The following DOK5 variants were observed in gnomAD, a reference collection of about 807,000 sequenced individuals.
The protein encoded by DOK5 is downstream of tyrosine kinase 5.
A neutral mutation model predicts 43.3 loss-of-function variants in DOK5; 27 were observed. That is an observed-to-expected ratio of 0.62 (90% CI 0.46 to 0.86). The LOEUF is 0.86. DOK5 is among the 40% of genes least tolerant of loss of function. The probability of loss-of-function intolerance (pLI) is 0.00; values close to 1 mark genes in which losing one functional copy is unlikely to be tolerated. For missense variants in DOK5, 373 were observed against 392.9 expected (o/e 0.95, Z 0.43); for synonymous variants, 146 against 140.1 (o/e 1.04, Z -0.30).
At chr20:54,579,525 G>C (rs890886648) in intron 2 of DOK5, among the ~76,000 whole-genome samples, 3 of 152,036 alleles carry the variant, frequency 2.0e-5, no homozygotes, top group African/African-American at 7.2e-5. Context: ...CGTGTGACTA[G>C]AATTCTATAT....
rs1319989620 is a variant in DOK5 at position 54,475,750 on chromosome 20, C to G, written c.-197C>G. 1 of 680,484 alleles carries G rather than the reference C, an allele frequency of 1.5e-6. No homozygotes were observed. The highest frequency in any genetic ancestry group is 2.9e-5 in the Admixed American group (1 of 34,242). The allele number at this position is 680,484 out of a possible 1,614,324, so 42.2% of individuals were successfully genotyped here. On this transcript the variant is annotated 5_prime_UTR_variant, in exon 1 of 8. Transcript: ENST00000262593. The surrounding 1 kb of genome is among the most constrained non-coding windows in gnomAD (Gnocchi z 4.2). ...TGCGCTCCCCGAAAGTGGCTGCAAGCCGGCCGCCCACTGTCAGGGTTGGGG... is the reference window on the plus strand; with the variant it reads ...TGCGCTCCCCGAAAGTGGCTGCAAGGCGGCCGCCCACTGTCAGGGTTGGGG...
At chr20:54,502,416 G>A (rs946509011) in intron 1 of DOK5, among the ~76,000 whole-genome samples, 1 of 152,068 alleles carries the variant, frequency 6.6e-6, no homozygotes, top group Non-Finnish European at 1.5e-5. Context: ...AGTCATTTTA[G>A]GATTACTATA....
At chr20:54,528,934 G>A (rs570932967) in intron 1 of DOK5, among the ~76,000 whole-genome samples, 15 of 152,222 alleles carry the variant, frequency 9.9e-5, no homozygotes, top group South Asian at 6.2e-4. Flanking sequence ...CAAGATTAGC[G>A]ACATGATAGA....
At chr20:54,639,454 T>C (rs890230633) in intron 6 of DOK5, among the ~76,000 whole-genome samples, 10 of 152,212 alleles carry the variant, frequency 6.6e-5, no homozygotes, top group Non-Finnish European at 1.5e-4. Flanking sequence ...TAAATAGGCA[T>C]ACATTTGAAT....
intron 1 of DOK5, among the ~76,000 whole-genome samples, chr20:54,535,428 G>C (rs1983929836): frequency 6.6e-6 from 1 of 152,032 alleles, no homozygotes. Flanking sequence ...TAATGTGGAG[G>C]TTGAGAGACT....
chr20:54,547,623 T>C (rs1364778721), intron 1 of DOK5, among the ~76,000 whole-genome samples: 1 of 152,190 alleles, frequency 6.6e-6, no homozygotes, highest in African/African-American at 2.4e-5. Context: ...GGGTATCAAA[T>C]TTTAAAGGAA....
chr20:54,524,715 A>G (rs1303814525), intron 1 of DOK5, among the ~76,000 whole-genome samples: 2 of 152,236 alleles, frequency 1.3e-5, no homozygotes, highest in Non-Finnish European at 1.5e-5. Context: ...CCAACTTAGA[A>G]CATACAGCAT....
chr20:54,517,109 A>G (rs1983222951), intron 1 of DOK5, among the ~76,000 whole-genome samples: 1 of 152,212 alleles, frequency 6.6e-6, no homozygotes, highest in Admixed American at 6.5e-5. Flanking sequence ...AGGAATTAGC[A>G]GAGCTGATTT....
At chr20:54,491,930 GAAAGAGAGAA>G (rs1003475381) in intron 1 of DOK5, among the ~76,000 whole-genome samples, 1 of 150,904 alleles carries the variant, frequency 6.6e-6, no homozygotes, top group Non-Finnish European at 1.5e-5. Flanking sequence ...AAAAATGAAA[GAAAGAGAGAA>G]AAAGAGAGAG....
intron 1 of DOK5, among the ~76,000 whole-genome samples, chr20:54,490,765 T>G (rs912787839): frequency 6.6e-6 from 1 of 152,190 alleles, no homozygotes; most frequent in African/African-American, 2.4e-5. Context: ...AATTTTTGTA[T>G]TTTTAGTAGA....
At chr20:54,614,506 C>T (rs114717100) in intron 6 of DOK5, among the ~76,000 whole-genome samples, 482 of 152,302 alleles carry the variant, frequency 3.2e-3, no homozygotes, top group African/African-American at 0.011. Context: ...TTCGTAGAGC[C>T]ATCAATTAGC....
intron 6 of DOK5, among the ~76,000 whole-genome samples, chr20:54,637,328 A>C (rs2208074): frequency 0.47 from 71,869 of 152,192 alleles, 22,151 homozygotes; most frequent in African/African-American, 0.87. Context: ...GCATGCATTC[A>C]TGCTGTTTAG....
intron 1 of DOK5, among the ~76,000 whole-genome samples, chr20:54,509,721 T>A (rs1032358628): frequency 6.6e-6 from 1 of 152,190 alleles, no homozygotes; most frequent in Non-Finnish European, 1.5e-5. Flanking sequence ...CTTCTCTAAT[T>A]AAATTCTGTA....
At chr20:54,544,107 T>C (rs974460) in intron 1 of DOK5, among the ~76,000 whole-genome samples, 2,018 of 152,352 alleles carry the variant, frequency 0.013, 47 homozygotes, top group African/African-American at 0.046. Flanking sequence ...ATCTTCTTTA[T>C]ACATATTTTA....
chr20:54,500,089 A>G (rs567591086), intron 1 of DOK5, among the ~76,000 whole-genome samples: 1 of 152,374 alleles, frequency 6.6e-6, no homozygotes, highest in South Asian at 2.1e-4. Flanking sequence ...AATGAGGAGA[A>G]ACTTCAAGAA....
Position 54,519,181 on chromosome 20 carries a change from T to C in DOK5, c.67-35752T>C, listed in dbSNP as rs191770767. Among the ~76,000 whole-genome samples the C allele has an allele frequency of 3.2e-4, 49 of 152,340 alleles. No individual in the cohort carries two copies. The South Asian group carries it at 3.9e-3, about 12-fold the overall frequency. On this transcript the variant is annotated intron_variant, in intron 1 of 7. Coordinates refer to ENST00000262593, the MANE Select transcript of DOK5 (RefSeq NM_018431.5). ...ACCTAATGCTCCAACATAAGTTTGA[T>C]TAACTTTAATACTTTTAATATATAT...
At chr20:54,559,621 C>T (rs1984834194) in intron 2 of DOK5, among the ~76,000 whole-genome samples, 1 of 152,208 alleles carries the variant, frequency 6.6e-6, no homozygotes, top group African/African-American at 2.4e-5. Context: ...ACTGCAGCCC[C>T]TCATGGGCTC....
chr20:54,631,943 G>C (rs1390066979), intron 6 of DOK5, among the ~76,000 whole-genome samples: 1 of 152,216 alleles, frequency 6.6e-6, no homozygotes, highest in East Asian at 1.9e-4. Flanking sequence ...TTGCACTCCA[G>C]CCTGGCAACA....
chr20:54,612,105 T>C (rs1986669436), intron 6 of DOK5, among the ~76,000 whole-genome samples: 1 of 152,244 alleles, frequency 6.6e-6, no homozygotes, highest in African/African-American at 2.4e-5. Context: ...TTTTCACATG[T>C]CAGGAAATAT....
Sources: gnomAD v4.1 joint callset for allele counts (sites outside exome capture counted in the v4.1 genomes callset) on GRCh38, gnomAD v4.1.1 for gene constraint, Gnocchi (gnomAD v3.1) non-coding constraint, MANE v1.5 for transcripts, NCBI Gene and HGNC (gene_info 2026-07-23, HGNC 2026-07-21) for gene names.